ZNF385D: variants seen among roughly 807,000 people sequenced by gnomAD.
ZNF385D encodes the protein zinc finger protein 385D.
In ZNF385D, 15 loss-of-function variants were observed where a neutral mutation model predicts 35.8. The ratio of observed to expected loss-of-function variants is 0.42; its 90% confidence interval spans 0.28 to 0.64. The LOEUF is 0.64. Ranked by LOEUF, ZNF385D falls within the 30% of genes least tolerant of loss-of-function variation. The probability of loss-of-function intolerance (pLI) is 0.23; values close to 1 mark genes in which losing one functional copy is unlikely to be tolerated. For missense variants in ZNF385D, 474 were observed against 494.6 expected (o/e 0.96, Z 0.39); for synonymous variants, 212 against 186.8 (o/e 1.13, Z -1.10).
chr3:21,982,232 T>C (rs866956988), intron 3 of ZNF385D, among the ~76,000 whole-genome samples: 7 of 152,140 alleles, frequency 4.6e-5, no homozygotes, highest in Non-Finnish European at 5.9e-5. Context: ...CATTTGTTTG[T>C]GTCTTGTCTT....
intron 5 of ZNF385D, among the ~76,000 whole-genome samples, chr3:21,436,538 T>G (rs1701558758): frequency 6.6e-6 from 1 of 152,144 alleles, no homozygotes; most frequent in Admixed American, 6.6e-5. Flanking sequence ...TAACATTATT[T>G]TTTTCATAAA....
chr3:21,711,088 ATGG>A (rs1159323408), intron 1 of ZNF385D, among the ~76,000 whole-genome samples: 4 of 118,444 alleles, frequency 3.4e-5, no homozygotes, highest in Non-Finnish European at 4.8e-5. Context: ...GTCGCCTAGG[ATGG>A]AGTGCAGTGG....
At chr3:22,332,250 A>C (rs1694973023) in intron 2 of ZNF385D, among the ~76,000 whole-genome samples, 1 of 152,142 alleles carries the variant, frequency 6.6e-6, no homozygotes, top group Admixed American at 6.6e-5. Context: ...GGCAAATTCC[A>C]TTGCAGAACT....
At chr3:21,500,288 A>C (rs748907017) in intron 4 of ZNF385D, among the ~76,000 whole-genome samples, 4 of 152,184 alleles carry the variant, frequency 2.6e-5, no homozygotes, top group Non-Finnish European at 5.9e-5. Flanking sequence ...ATTCCTAGCA[A>C]GATCTTCATA....
intron 1 of ZNF385D, among the ~76,000 whole-genome samples, chr3:21,731,179 C>T (rs2068979536): frequency 6.6e-6 from 1 of 152,130 alleles, no homozygotes; most frequent in Non-Finnish European, 1.5e-5. Context: ...ACACCTAATA[C>T]TTAAACATGT....
intron 3 of ZNF385D, among the ~76,000 whole-genome samples, chr3:21,980,537 A>T (rs1694372984): frequency 6.6e-6 from 1 of 152,216 alleles, no homozygotes; most frequent in South Asian, 2.1e-4. Flanking sequence ...GATTTTGTAG[A>T]TCACATATCA....
At chr3:21,795,054 C>CAA (rs1156542726) in intron 3 of ZNF385D, among the ~76,000 whole-genome samples, 1 of 152,090 alleles carries the variant, frequency 6.6e-6, no homozygotes, top group Non-Finnish European at 1.5e-5. Context: ...ATTATTTGTA[C>CAA]CTGATCCTTA....
chr3:22,323,599 A>G (rs1275625813), intron 2 of ZNF385D, among the ~76,000 whole-genome samples: 2 of 152,232 alleles, frequency 1.3e-5, no homozygotes, highest in Non-Finnish European at 2.9e-5. Context: ...TTTTCAATGG[A>G]AGTAGTACTA....
chr3:22,163,636 A>C (rs1204648965), intron 3 of ZNF385D, among the ~76,000 whole-genome samples: 2 of 152,188 alleles, frequency 1.3e-5, no homozygotes, highest in Admixed American at 1.3e-4. Flanking sequence ...GCAATCCTTA[A>C]ATGACTGCTA....
chr3:21,524,074 G>A (rs1298250738), intron 3 of ZNF385D, among the ~76,000 whole-genome samples: 2 of 152,198 alleles, frequency 1.3e-5, no homozygotes, highest in African/African-American at 2.4e-5. Context: ...GCAAATGCAC[G>A]ATTGGAGATT....
chr3:21,806,802 C>A (rs2072672458), intron 3 of ZNF385D, among the ~76,000 whole-genome samples: 1 of 152,192 alleles, frequency 6.6e-6, no homozygotes, highest in Non-Finnish European at 1.5e-5. Context: ...AACTCCTGAA[C>A]CTTCTTGACC....
intron 3 of ZNF385D, among the ~76,000 whole-genome samples, chr3:22,085,642 G>C (rs759357396): frequency 6.6e-6 from 1 of 152,130 alleles, no homozygotes; most frequent in Non-Finnish European, 1.5e-5. Flanking sequence ...AATTCTACCA[G>C]AGGTACAAAG....
intron 3 of ZNF385D, among the ~76,000 whole-genome samples, chr3:21,970,302 A>G (rs756256069): frequency 1.3e-5 from 2 of 152,288 alleles, no homozygotes; most frequent in East Asian, 1.9e-4. Flanking sequence ...AGGAAACTCA[A>G]AGAAATTTAA....
chr3:22,191,469 A>G (rs370875111), intron 2 of ZNF385D, among the ~76,000 whole-genome samples: 4 of 151,496 alleles, frequency 2.6e-5, no homozygotes, highest in African/African-American at 9.7e-5. Context: ...CCTGGGCAAC[A>G]AGAGTGAAAC....
At chr3:21,916,804 T>C (rs1700213420) in intron 3 of ZNF385D, among the ~76,000 whole-genome samples, 4 of 152,212 alleles carry the variant, frequency 2.6e-5, no homozygotes, top group Admixed American at 2.6e-4. Context: ...AATAGGTAAC[T>C]TTATTTGCCA....
intron 3 of ZNF385D, among the ~76,000 whole-genome samples, chr3:22,120,254 G>T (rs906533529): frequency 3.3e-5 from 5 of 152,000 alleles, no homozygotes; most frequent in Non-Finnish European, 7.4e-5. Context: ...AGTTGTGGAG[G>T]ATAGAAGTCT....
chr3:21,830,584 T>A (rs996445906), intron 3 of ZNF385D, among the ~76,000 whole-genome samples: 2 of 152,224 alleles, frequency 1.3e-5, no homozygotes, highest in East Asian at 3.8e-4. Flanking sequence ...GTATTTGTTT[T>A]CTTTCCTTCT....
intron 4 of ZNF385D, among the ~76,000 whole-genome samples, chr3:21,464,728 C>CA (rs1413739159): frequency 1.1e-3 from 65 of 60,224 alleles, no homozygotes; most frequent in Middle Eastern, 0.011. Flanking sequence ...TTACAGCTGC[C>CA]AAAAAATAAA....
chr3:21,655,290 T>G (rs905791461), intron 2 of ZNF385D, among the ~76,000 whole-genome samples: 1 of 151,974 alleles, frequency 6.6e-6, no homozygotes, highest in African/African-American at 2.4e-5. Flanking sequence ...AGGCTCCACG[T>G]TTTTGCCTTA....
Sources: allele counts gnomAD v4.1 joint callset (sites outside exome capture counted in the v4.1 genomes callset), GRCh38; gene constraint gnomAD v4.1.1; transcripts MANE v1.5; gene names NCBI Gene and HGNC (gene_info 2026-07-23, HGNC 2026-07-21).